The following ABCC1 variants were observed in gnomAD, a reference collection of about 807,000 sequenced individuals.
ABCC1 encodes the protein ATP binding cassette subfamily C member 1 (ABCC1 blood group), also known as multidrug resistance-associated protein 1.
ABCC1 carries 83 observed loss-of-function variants against 172.9 expected under a neutral mutation model. The observed-to-expected ratio is 0.48, with a 90% CI of 0.40 to 0.58. The LOEUF is 0.58. ABCC1 is among the 20% of genes least tolerant of loss of function. The probability of loss-of-function intolerance (pLI) is 0.00; values close to 1 mark genes in which losing one functional copy is unlikely to be tolerated. For missense variants in ABCC1, 1,817 were observed against 2,002.7 expected (o/e 0.91, Z 1.77); for synonymous variants, 937 against 825.2 (o/e 1.14, Z -2.32).
intron 26 of ABCC1, among the ~76,000 whole-genome samples, chr16:16,129,912 G>A (rs2045609486): frequency 6.6e-6 from 1 of 152,198 alleles, no homozygotes; most frequent in Non-Finnish European, 1.5e-5. Context: ...TTCTTGTTAT[G>A]TGCCGTCTGC....
At chr16:16,034,577 T>A (rs2048680022) in intron 6 of ABCC1, among the ~76,000 whole-genome samples, 1 of 145,096 alleles carries the variant, frequency 6.9e-6, no homozygotes, top group South Asian at 2.2e-4. Context: ...GGCTGTATGT[T>A]AACTTTTTTT....
At chr16:16,107,025 GC>G in intron 21 of ABCC1, 152 bp downstream of exon 21, 1 of 1,214,464 alleles carries the variant, frequency 8.2e-7, no homozygotes, top group Non-Finnish European at 1.1e-6. Context: ...AGAAACTGAG[GC>G]CAGAGAGGCT....
intron 27 of ABCC1, among the ~76,000 whole-genome samples, chr16:16,132,336 CT>C (rs925232657): frequency 8.6e-5 from 13 of 151,552 alleles, no homozygotes; most frequent in Admixed American, 5.9e-4. Context: ...CTGCACCTGG[CT>C]AATTTTTGTA....
intron 29 of ABCC1, 30 bp downstream of exon 29, chr16:16,136,674 G>A (rs763014464): frequency 6.2e-7 from 1 of 1,611,344 alleles, no homozygotes; most frequent in South Asian, 1.1e-5. Flanking sequence ...GAGACACCGG[G>A]TAAGGTGTCC....
chr16:15,989,710 C>T (rs1289877885), intron 1 of ABCC1, among the ~76,000 whole-genome samples: 1 of 151,970 alleles, frequency 6.6e-6, no homozygotes, highest in Admixed American at 6.6e-5. Flanking sequence ...CTGTGACTCG[C>T]GGGCCATCTT....
rs71388789 is a variant in ABCC1 at position 16,010,037 on chromosome 16, C to CTTTTTTTTTTTTTTTTTTTTTTT, written c.351+137_351+159dup. 4 of 100,498 alleles carry CTTTTTTTTTTTTTTTTTTTTTTT rather than the reference C, an allele frequency of 4.0e-5. 2 individuals carry two copies. The highest frequency in any genetic ancestry group is 2.3e-4 in the African/African-American group (4 of 17,332). The allele number at this position is 100,498 out of a possible 1,614,324, so 6.2% of individuals were successfully genotyped here. A position where few individuals can be genotyped will look rare whatever the true frequency, so the allele number is the denominator to read the frequency against. On this transcript the variant is annotated intron_variant, in intron 3 of 30. Coordinates refer to ENST00000399410, the MANE Select transcript of ABCC1 (RefSeq NM_004996.4). ...AGCTGGGATATAAATTAAATGTAGC[C>CTTTTTTTTTTTTTTTTTTTTTTT]TTTTTTTTTTTTTTTTTTTTTTTAA...
intron 21 of ABCC1, 48 bp downstream of exon 21, chr16:16,106,921 G>A (rs373396134): frequency 3.7e-6 from 6 of 1,610,480 alleles, no homozygotes; most frequent in East Asian, 2.2e-5. Flanking sequence ...TTTATAGAGC[G>A]CCCACTGTGC....
At chr16:16,032,071 A>G (rs942803228) in intron 5 of ABCC1, among the ~76,000 whole-genome samples, 1 of 151,928 alleles carries the variant, frequency 6.6e-6, no homozygotes, top group African/African-American at 2.4e-5. Flanking sequence ...GCTCACTGCA[A>G]CCTCCGCCTC....
Position 16,044,499 on chromosome 16 carries a change from G to A in ABCC1, c.859G>A (p.Glu287Lys). The change falls in exon 8 of 31, where the codon GAG (glutamate) becomes AAG (lysine). Residue 287 changes from glutamate to lysine, a missense_variant. By Grantham distance (56) the Glu-to-Lys change is moderately conservative. This residue lies in a region of ABCC1 where 398 missense variants were observed against 384.2 expected (regional missense o/e 1.04). Coordinates refer to ENST00000399410, the MANE Select transcript of ABCC1 (RefSeq NM_004996.4). ...CTCCAAGGATCCTGCCCAGCCGAAA[G>A]AGAGTTCCAAGGTGGATGCGAATGA... The part of the protein sequence containing the change: ...YSSKDPAQPK[E>K]SSKVDANEEV... The A allele has an allele frequency of 6.2e-7, 1 of 1,614,226 alleles. No homozygotes were observed. The highest frequency in any genetic ancestry group is 1.1e-5 in the South Asian group (1 of 91,084).
At chr16:15,995,165 G>A (rs1597084849) in intron 1 of ABCC1, among the ~76,000 whole-genome samples, 2 of 151,980 alleles carry the variant, frequency 1.3e-5, no homozygotes, top group African/African-American at 2.4e-5. Flanking sequence ...TCCTGACTGT[G>A]TATGCTGCTT....
intron 12 of ABCC1, 26 bp downstream of exon 12, chr16:16,056,321 C>G (rs752849936): frequency 1.9e-6 from 3 of 1,612,354 alleles, no homozygotes; most frequent in Admixed American, 1.7e-5. Flanking sequence ...TTTTTCCTGG[C>G]CCTCATTGTT....
chr16:16,138,724 T>C (rs970422230), intron 30 of ABCC1, among the ~76,000 whole-genome samples, 166 bp downstream of exon 30: 3 of 150,642 alleles, frequency 2.0e-5, no homozygotes, highest in African/African-American at 7.3e-5. Context: ...CTTTTTTTTT[T>C]TTTTTTTTTG....
chr16:16,072,093 C>T (rs747949604), intron 14 of ABCC1, among the ~76,000 whole-genome samples: 32 of 152,258 alleles, frequency 2.1e-4, no homozygotes, highest in Middle Eastern at 3.4e-3. Flanking sequence ...CCTCCATCAC[C>T]CACAAGCTGT....
intron 23 of ABCC1, among the ~76,000 whole-genome samples, chr16:16,117,677 G>A (rs969375407): frequency 7.2e-5 from 11 of 152,330 alleles, no homozygotes; most frequent in South Asian, 4.1e-4. Context: ...AGGCCGAGGC[G>A]CGTGTATCAC....
At chr16:15,978,372 A>C (rs1046889951) in intron 1 of ABCC1, among the ~76,000 whole-genome samples, 1 of 151,986 alleles carries the variant, frequency 6.6e-6, no homozygotes, top group South Asian at 2.1e-4. Context: ...CATCTCAAAC[A>C]AACAAACAAA....
intron 1 of ABCC1, among the ~76,000 whole-genome samples, chr16:15,991,506 G>A (rs893731017): frequency 6.6e-6 from 1 of 152,044 alleles, no homozygotes; most frequent in African/African-American, 2.4e-5. Context: ...GGCTCTTCTG[G>A]GGGCTTCAGG....
intron 5 of ABCC1, among the ~76,000 whole-genome samples, chr16:16,017,840 T>G (rs1347367087): frequency 1.3e-5 from 2 of 151,404 alleles, no homozygotes; most frequent in Non-Finnish European, 2.9e-5. Context: ...AGGGGTGAGG[T>G]AGTGGGTGGA....
chr16:16,104,161 A>G (rs2051940861), intron 20 of ABCC1, among the ~76,000 whole-genome samples: 1 of 152,184 alleles, frequency 6.6e-6, no homozygotes, highest in African/African-American at 2.4e-5. Flanking sequence ...AACACTGAGC[A>G]GCAGAAAGAT....
intron 7 of ABCC1, among the ~76,000 whole-genome samples, chr16:16,038,941 T>C (rs2048857905): frequency 6.6e-6 from 1 of 151,844 alleles, no homozygotes; most frequent in South Asian, 2.1e-4. Context: ...GAGGACAGAG[T>C]TTGAATCCAG....
Sources: gnomAD v4.1 joint callset for allele counts (sites outside exome capture counted in the v4.1 genomes callset) on GRCh38, gnomAD v4.1.1 for gene constraint, gnomAD v4.1.1 regional missense constraint, MANE v1.5 for transcripts, NCBI Gene and HGNC (gene_info 2026-07-23, HGNC 2026-07-21) for gene names.